Variants in NALCN observed in about 807,000 individuals in gnomAD.
NALCN encodes the protein sodium leak channel NALCN.
In NALCN, 111 loss-of-function variants were observed where a neutral mutation model predicts 225.3. The observed-to-expected ratio is 0.49, with a 90% confidence interval of 0.42 to 0.58. NALCN has a LOEUF of 0.58. Ranked by LOEUF, NALCN falls within the 20% of genes least tolerant of loss-of-function variation. NALCN has a pLI of 0.00. For missense variants in NALCN, 1,378 were observed against 2,202.4 expected, an observed-to-expected ratio of 0.63 and a Z score of 7.49; for synonymous variants, 764 against 769.0, an observed-to-expected ratio of 0.99 and a Z score of 0.11.
intron 20 of NALCN, 55 bp from the exon 21 acceptor site, chr13:101,107,844 T>C (rs1489336558): frequency 3.5e-6 from 5 of 1,436,476 alleles, no homozygotes; most frequent in Non-Finnish European, 4.7e-6. Flanking sequence ...GAATGCAAAA[T>C]ATATTATCAG....
chr13:101,402,325 T>C (rs180776171), intron 1 of NALCN, among the ~76,000 whole-genome samples: 5 of 152,302 alleles, frequency 3.3e-5, no homozygotes, highest in African/African-American at 1.2e-4. Flanking sequence ...AATAAATCTT[T>C]TACTCAGAAA....
intron 15 of NALCN, among the ~76,000 whole-genome samples, chr13:101,171,998 T>G (rs2038744949): frequency 6.6e-6 from 1 of 152,310 alleles, no homozygotes; most frequent in South Asian, 2.1e-4. Context: ...CTTGACATTT[T>G]ATTTAGCAGG....
At chr13:101,193,437 A>G (rs2039763234) in intron 13 of NALCN, among the ~76,000 whole-genome samples, 1 of 152,186 alleles carries the variant, frequency 6.6e-6, no homozygotes, top group Admixed American at 6.5e-5. Flanking sequence ...CTATTTGAAA[A>G]AGGAGCAATT....
chr13:101,234,107 AG>A (rs2041459952), intron 12 of NALCN, among the ~76,000 whole-genome samples: 1 of 152,232 alleles, frequency 6.6e-6, no homozygotes, highest in African/African-American at 2.4e-5. Flanking sequence ...AATCTAAAAT[AG>A]CCCCTACTAC....
In NALCN at chr13:101,289,131, T is replaced by C. The variant is rs138813832; in HGVS notation, c.1047+2859A>G. On this transcript the variant is annotated intron_variant, in intron 9 of 43. Transcript: ENST00000251127. ...ATTATATCATGGGTGTATGAATCAC[T>C]TATCCTTCAACCCAATCCACAACTG... is the stretch of plus-strand genomic sequence containing the variant. Among the ~76,000 whole-genome samples, 1,023 of 152,312 alleles carry C rather than the reference T, an allele frequency of 6.7e-3. 10 individuals are homozygous for C. Among genetic ancestry groups the C allele is most frequent in the African/African-American group, 0.023 (966 of 41,552 alleles).
At chr13:101,329,896 G>A (rs1417935332) in intron 7 of NALCN, among the ~76,000 whole-genome samples, 16 of 151,550 alleles carry the variant, frequency 1.1e-4, no homozygotes, top group Non-Finnish European at 1.3e-4. Flanking sequence ...AAAATTAGCC[G>A]GGCGTGGTGG....
At chr13:101,225,602 G>C (rs900543434) in intron 13 of NALCN, among the ~76,000 whole-genome samples, 2 of 152,140 alleles carry the variant, frequency 1.3e-5, no homozygotes, top group Non-Finnish European at 2.9e-5. Flanking sequence ...TCCTTGCCTG[G>C]AGCAGTCCTC....
intron 7 of NALCN, among the ~76,000 whole-genome samples, chr13:101,310,400 T>G (rs1415136355): frequency 6.6e-6 from 1 of 152,114 alleles, no homozygotes; most frequent in Non-Finnish European, 1.5e-5. Context: ...GGGGCATGCT[T>G]CCTTCTCAAG....
intron 13 of NALCN, among the ~76,000 whole-genome samples, chr13:101,222,158 C>A (rs1436629415): frequency 6.6e-6 from 1 of 152,122 alleles, no homozygotes; most frequent in Non-Finnish European, 1.5e-5. Context: ...AACAACTAGA[C>A]CCCATTTATA....
chr13:101,332,536 C>G (rs781530372), intron 7 of NALCN, among the ~76,000 whole-genome samples: 3 of 151,724 alleles, frequency 2.0e-5, no homozygotes, highest in Non-Finnish European at 4.4e-5. Context: ...GAATTCTGCA[C>G]TAATTGAAGC....
chr13:101,411,345 C>CT (rs35728574), intron 1 of NALCN, among the ~76,000 whole-genome samples: 54,649 of 138,070 alleles, frequency 0.4, 10,989 homozygotes, highest in East Asian at 0.58. Context: ...AAGCATCAGA[C>CT]TTTTTTTTTT....
chr13:101,081,517 CT>C lies in NALCN; in HGVS notation c.3885+9del. 1 of 1,613,942 alleles carries C rather than the reference CT, an allele frequency of 6.2e-7. No homozygotes were observed. Among genetic ancestry groups the C allele is most frequent in the Non-Finnish European group, 8.5e-7 (1 of 1,179,962 alleles). Reference sequence around the variant, plus strand: ...TAATCAGCTGAAATCAACTTGACTTCTATGCTTACCAGGAGGGCAAAGTGAA... The same window carrying C: ...TAATCAGCTGAAATCAACTTGACTTCATGCTTACCAGGAGGGCAAAGTGAA... On this transcript the variant is annotated intron_variant, in intron 34 of 43. Transcript: ENST00000251127.
chr13:101,382,748 T>A (rs114595924), intron 3 of NALCN, among the ~76,000 whole-genome samples: 1 of 152,170 alleles, frequency 6.6e-6, no homozygotes, highest in Non-Finnish European at 1.5e-5. Flanking sequence ...AATTCTACCA[T>A]GTAATGTAGA....
chr13:101,168,145 G>A (rs563911058), intron 15 of NALCN, among the ~76,000 whole-genome samples: 1 of 152,116 alleles, frequency 6.6e-6, no homozygotes, highest in African/African-American at 2.4e-5. Flanking sequence ...TACCTCTTGT[G>A]CTGTGACTTC....
chr13:101,299,794 C>T (rs2043885154), intron 7 of NALCN, among the ~76,000 whole-genome samples: 1 of 152,104 alleles, frequency 6.6e-6, no homozygotes, highest in African/African-American at 2.4e-5. Context: ...ATAATCTCTT[C>T]ACTCAGATAT....
chr13:101,286,463 C>T (rs771834893), intron 9 of NALCN, among the ~76,000 whole-genome samples: 1 of 152,162 alleles, frequency 6.6e-6, no homozygotes, highest in Non-Finnish European at 1.5e-5. Flanking sequence ...CCATGCTAGT[C>T]TACAAGGTGA....
intron 6 of NALCN, among the ~76,000 whole-genome samples, chr13:101,365,295 G>A (rs2046351200): frequency 6.6e-6 from 1 of 152,102 alleles, no homozygotes; most frequent in South Asian, 2.1e-4. Context: ...AGAACAAGCG[G>A]TATTTGGTTT....
At chr13:101,262,161 A>G (rs1294351005) in intron 10 of NALCN, among the ~76,000 whole-genome samples, 2 of 152,204 alleles carry the variant, frequency 1.3e-5, no homozygotes, top group Non-Finnish European at 2.9e-5. Flanking sequence ...ATTTATTTGC[A>G]TATGTTGAAT....
At chr13:101,148,135 T>A (rs2037452359) in intron 15 of NALCN, among the ~76,000 whole-genome samples, 1 of 152,136 alleles carries the variant, frequency 6.6e-6, no homozygotes, top group Non-Finnish European at 1.5e-5. Context: ...AGGACTCCTG[T>A]CACACATTAC....
Sources: allele counts gnomAD v4.1 joint callset (sites outside exome capture counted in the v4.1 genomes callset), GRCh38; gene constraint gnomAD v4.1.1; transcripts MANE v1.5; gene names NCBI Gene and HGNC (gene_info 2026-07-23, HGNC 2026-07-21).